CDYL2: variants seen among roughly 807,000 people sequenced by gnomAD.
CDYL2 encodes the protein chromodomain Y like 2, also known as chromodomain Y-like protein 2.
In CDYL2, 23 loss-of-function variants were observed where a neutral mutation model predicts 49.4. The ratio of observed to expected loss-of-function variants is 0.47; its 90% CI spans 0.34 to 0.66. The LOEUF (loss-of-function observed/expected upper bound fraction) is 0.66, where lower values mean the gene tolerates loss of function less well. CDYL2 is among the 30% of genes least tolerant of loss of function. The probability of loss-of-function intolerance (pLI) is 0.01; values close to 1 mark genes in which losing one functional copy is unlikely to be tolerated. For missense variants in CDYL2, 678 were observed against 656.4 expected, an observed-to-expected ratio of 1.03 and a Z score of -0.36; for synonymous variants, 360 against 268.8, an observed-to-expected ratio of 1.34 and a Z score of -3.32.
chr16:80,717,190 G>C (rs1392825328), intron 1 of CDYL2, among the ~76,000 whole-genome samples: 1 of 151,622 alleles, frequency 6.6e-6, no homozygotes, highest in Non-Finnish European at 1.5e-5. Context: ...TGGATGGATG[G>C]AGACAGCCCT....
chr16:80,716,286 C>G (rs1167873693), intron 1 of CDYL2, among the ~76,000 whole-genome samples: 1 of 152,358 alleles, frequency 6.6e-6, no homozygotes, highest in South Asian at 2.1e-4. Context: ...CTTTATAGGA[C>G]TACTTGATTA....
rs1906352444 is a variant in CDYL2, at chr16:80,757,534, G to C, written c.24+46616C>G. 3.3e-5 allele frequency among the ~76,000 whole-genome samples: 4 copies of C among 119,848 alleles called. No homozygotes were observed. The Admixed American group carries it at 3.4e-4, about 10-fold the overall frequency. 78.6% of individuals were successfully genotyped at this position (119,848 alleles called of 152,430 possible). A position where few individuals can be genotyped will look rare whatever the true frequency, so the allele number is the denominator to read the frequency against. ...AGCCTGAGTGACAGAGCAAGACTCT[G>C]TCTCAAAAAAAAAAAAAAAATATAT... On this transcript the variant is annotated intron_variant, in intron 1 of 6. Transcript: ENST00000570137.
intron 2 of CDYL2, among the ~76,000 whole-genome samples, chr16:80,640,444 C>CT (rs558596380): frequency 3.9e-5 from 6 of 152,212 alleles, no homozygotes; most frequent in African/African-American, 1.4e-4. Flanking sequence ...CGTTGAGGGC[C>CT]TTGGGTAAGA....
At chr16:80,631,192 C>A (rs1235222755) in intron 3 of CDYL2, among the ~76,000 whole-genome samples, 3 of 152,160 alleles carry the variant, frequency 2.0e-5, no homozygotes, top group Middle Eastern at 3.2e-3. Flanking sequence ...CCTAAATTTT[C>A]TCATCTATAC....
At chr16:80,721,432 G>C (rs540621978) in intron 1 of CDYL2, among the ~76,000 whole-genome samples, 2 of 152,182 alleles carry the variant, frequency 1.3e-5, no homozygotes, top group South Asian at 2.1e-4. Context: ...AGCAGGTTTG[G>C]GCAGCAAAAT....
chr16:80,605,946 G>A (rs1396780881), intron 6 of CDYL2, among the ~76,000 whole-genome samples: 2 of 152,242 alleles, frequency 1.3e-5, no homozygotes, highest in African/African-American at 4.8e-5. Flanking sequence ...TGGGTAGAGG[G>A]AGCAGGAAAA....
At chr16:80,724,641 T>G (rs1488509305) in intron 1 of CDYL2, among the ~76,000 whole-genome samples, 1 of 152,228 alleles carries the variant, frequency 6.6e-6, no homozygotes, top group East Asian at 1.9e-4. Flanking sequence ...AAGGCTTTGT[T>G]TCACATACAT....
At position 80,633,820 on chromosome 16, in the gene CDYL2, G is replaced by A. The variant is rs1263401476; in HGVS notation, c.617-584C>T. Among the ~76,000 whole-genome samples, 6 of 152,162 alleles carry A rather than the reference G, an allele frequency of 3.9e-5. No individual in the cohort carries two copies. The South Asian group carries it at 1.2e-3, about 32-fold the overall frequency. ...CTTCCTCTCGCAAATCAATTACAAT[G>A]GCTTTGCATTTTTCTGTTTCACATA... On this transcript the variant is annotated intron_variant, in intron 2 of 6. Transcript: ENST00000570137.
At chr16:80,762,838 G>T (rs534584426) in intron 1 of CDYL2, among the ~76,000 whole-genome samples, 2 of 152,114 alleles carry the variant, frequency 1.3e-5, no homozygotes, top group Non-Finnish European at 2.9e-5. Context: ...CTAAATGCAA[G>T]AAGACTGTCA....
chr16:80,637,719 T>A (rs1382400406), intron 2 of CDYL2, among the ~76,000 whole-genome samples: 2 of 152,168 alleles, frequency 1.3e-5, no homozygotes, highest in Admixed American at 1.3e-4. Context: ...AACAATAATT[T>A]ATTGTATATT....
At chr16:80,635,193 A>T (rs1248861609) in intron 2 of CDYL2, among the ~76,000 whole-genome samples, 4 of 152,214 alleles carry the variant, frequency 2.6e-5, no homozygotes, top group African/African-American at 9.6e-5. Context: ...ATAGGCTAAA[A>T]GAAGAAAAAC....
At chr16:80,726,187 C>T (rs760988637) in intron 1 of CDYL2, among the ~76,000 whole-genome samples, 22 of 152,238 alleles carry the variant, frequency 1.4e-4, no homozygotes, top group South Asian at 2.1e-4. Flanking sequence ...TCTATTTTTG[C>T]GTACATTTAA....
intron 2 of CDYL2, among the ~76,000 whole-genome samples, chr16:80,643,181 C>T (rs1042469325): frequency 6.6e-6 from 1 of 152,158 alleles, no homozygotes; most frequent in Non-Finnish European, 1.5e-5. Context: ...AGGGCCCAGG[C>T]AATTCCAAAA....
At chr16:80,610,864 G>A (rs770432542) in intron 5 of CDYL2, among the ~76,000 whole-genome samples, 1 of 152,098 alleles carries the variant, frequency 6.6e-6, no homozygotes, top group Non-Finnish European at 1.5e-5. Context: ...GCTGGCAGAT[G>A]CCCCCAGTGG....
At chr16:80,664,237 G>A (rs930464794) in intron 2 of CDYL2, among the ~76,000 whole-genome samples, 5 of 152,138 alleles carry the variant, frequency 3.3e-5, no homozygotes, top group Admixed American at 2.6e-4. Context: ...GACTGTCTGA[G>A]GTTCTCCGAA....
intron 2 of CDYL2, among the ~76,000 whole-genome samples, chr16:80,676,058 C>T (rs983467654): frequency 6.6e-6 from 1 of 152,066 alleles, no homozygotes; most frequent in African/African-American, 2.4e-5. Context: ...ATCGATTCTC[C>T]CCTTGGATCT....
At chr16:80,712,025 A>G (rs1464970969) in intron 1 of CDYL2, among the ~76,000 whole-genome samples, 3 of 150,602 alleles carry the variant, frequency 2.0e-5, no homozygotes, top group African/African-American at 4.9e-5. Context: ...GTGTATATAT[A>G]TGTGTGTATA....
chr16:80,710,798 G>T (rs1904570618), intron 1 of CDYL2, among the ~76,000 whole-genome samples: 1 of 152,098 alleles, frequency 6.6e-6, no homozygotes, highest in African/African-American at 2.4e-5. Flanking sequence ...TAAAAGCTAA[G>T]TCACCAAGAA....
chr16:80,738,046 T>G (rs1243914976), intron 1 of CDYL2, among the ~76,000 whole-genome samples: 1 of 148,442 alleles, frequency 6.7e-6, no homozygotes, highest in Non-Finnish European at 1.5e-5. Context: ...AGGCCCCATG[T>G]GTGATGTTCC....
Sources: allele counts gnomAD v4.1 joint callset (sites outside exome capture counted in the v4.1 genomes callset), GRCh38; gene constraint gnomAD v4.1.1; transcripts MANE v1.5; gene names NCBI Gene and HGNC (gene_info 2026-07-23, HGNC 2026-07-21).